Variants in FOXO4 observed in about 807,000 individuals in gnomAD.
The protein encoded by FOXO4 is forkhead box protein O4.
Under a neutral mutation model 20.8 loss-of-function variants are expected in FOXO4, and 3 were observed. The observed-to-expected ratio is 0.14, with a 90% CI of 0.07 to 0.37. The LOEUF (loss-of-function observed/expected upper bound fraction) is 0.37, where lower values mean the gene tolerates loss of function less well. Ranked by LOEUF, FOXO4 falls within the 10% of genes least tolerant of loss-of-function variation. FOXO4 has a pLI of 1.00. For missense variants in FOXO4, 309 were observed against 431.9 expected, an observed-to-expected ratio of 0.72 and a Z score of 2.52; for synonymous variants, 158 against 180.0, an observed-to-expected ratio of 0.88 and a Z score of 0.98.
Position 71,100,985 on chromosome X carries a change from T to C in FOXO4, c.755T>C (p.Met252Thr). ...TCTCGAAACCGTGAAGAAGCCGATATGTGGACCACCTTCCGTCCACGAAGC... is the reference window on the plus strand; with the variant it reads ...TCTCGAAACCGTGAAGAAGCCGATACGTGGACCACCTTCCGTCCACGAAGC... Reference protein sequence around the residue: ...PCSRNREEADMWTTFRPRSSS... With the variant: ...PCSRNREEADTWTTFRPRSSS... Residue 252 changes from methionine to threonine, a missense_variant, in exon 2 of 3, where the codon ATG becomes ACG. Met to Thr is a moderately conservative substitution (Grantham distance 81, BLOSUM62 -1). Transcript: ENST00000374259. 8.3e-7 allele frequency: 1 copy of C among 1,211,534 alleles called. No individual in the cohort carries two copies. Among genetic ancestry groups the C allele is most frequent in the East Asian group, 3.0e-5 (1 of 33,845 alleles).
chrX:71,102,414 G>T lies in FOXO4; in HGVS notation c.*330G>T. On this transcript the variant is annotated 3_prime_UTR_variant, in exon 3 of 3. Transcript: ENST00000374259. Reference sequence around the variant, plus strand: ...AGATGAGCAATGCTGTTGGAAATGTGAAGTCACCAGTGGCCTTACCCCTGC... The same window carrying T: ...AGATGAGCAATGCTGTTGGAAATGTTAAGTCACCAGTGGCCTTACCCCTGC... 1 of 326,075 alleles carries T rather than the reference G, an allele frequency of 3.1e-6. No individual in the cohort carries two copies. The highest frequency in any genetic ancestry group is 5.4e-6 in the Non-Finnish European group (1 of 186,283). 26.9% of individuals were successfully genotyped at this position (326,075 alleles called of 1,213,427 possible). A position where few individuals can be genotyped will look rare whatever the true frequency, so the allele number is the denominator to read the frequency against.
chrX:71,096,577 G>C lies in FOXO4; in HGVS notation c.49G>C (p.Asp17His), dbSNP rs1203538814. 7.4e-6 allele frequency: 9 copies of C among 1,210,377 alleles called. No individual in the cohort carries two copies. Among genetic ancestry groups the C allele is most frequent in the Non-Finnish European group, 8.9e-6 (8 of 894,737 alleles). ...NSATEAAAII[D>H]LDPDFEPQSR... is the part of the protein sequence containing the mutation. ...AGCCACAGAGGCTGCCGCGATCATA[G>C]ACCTAGATCCCGACTTCGAACCCCA... Residue 17 changes from aspartate to histidine, a missense_variant, in exon 1 of 3, where the codon GAC (aspartate) becomes CAC (histidine). Physicochemically the swap from Asp to His is moderately conservative, Grantham distance 81. Coordinates refer to ENST00000374259, the MANE Select transcript of FOXO4 (RefSeq NM_005938.4).
chrX:71,102,760 A>G lies in FOXO4; in HGVS notation c.*676A>G. Reference sequence around the variant, plus strand: ...TTTCTGAAGGCTTTGTGATAGTGACATGATACAAACACTACAGACAATAAA... The same window carrying G: ...TTTCTGAAGGCTTTGTGATAGTGACGTGATACAAACACTACAGACAATAAA... On this transcript the variant is annotated 3_prime_UTR_variant, in exon 3 of 3. Transcript: ENST00000374259. The G allele has an allele frequency of 5.7e-6, 1 of 174,077 alleles. No individual in the cohort carries two copies. 14.3% of individuals were successfully genotyped at this position (174,077 alleles called of 1,213,427 possible). A position where few individuals can be genotyped will look rare whatever the true frequency, so the allele number is the denominator to read the frequency against.
chrX:71,099,562 C>T (rs1198434870), intron 1 of FOXO4: 1 of 111,829 alleles, frequency 8.9e-6, no homozygotes, highest in Non-Finnish European at 1.9e-5. Context: ...GAGGACATTA[C>T]ACTTGGCACT....
rs559205115 is a variant in FOXO4, at chrX:71,103,286, G to T, written c.*1202G>T. On this transcript the variant is annotated 3_prime_UTR_variant, in exon 3 of 3. Transcript: ENST00000374259. ...GGGTCTGGGAAATGAGCAGGGATGGGGGGGGATGTGGATCAGGTTTACTAG... is the reference window on the plus strand; with the variant it reads ...GGGTCTGGGAAATGAGCAGGGATGGTGGGGGATGTGGATCAGGTTTACTAG... 28 of 165,839 alleles carry T rather than the reference G, an allele frequency of 1.7e-4. No individual in the cohort carries two copies. The South Asian group carries it at 8.9e-3, about 52-fold the overall frequency. The allele number at this position is 165,839 out of a possible 1,213,427, so 13.7% of individuals were successfully genotyped here.
At chrX:71,097,924 A>C (rs1170714230) in intron 1 of FOXO4, among the ~76,000 whole-genome samples, 6 of 111,481 alleles carry the variant, frequency 5.4e-5, no homozygotes, top group Non-Finnish European at 1.1e-4. Flanking sequence ...CCCTAGGTAT[A>C]GGAGACTGAG....
At chrX:71,102,041 G>GCC (rs1399466630) in intron 2 of FOXO4, 36 bp from the exon 3 acceptor site, 5 of 1,205,212 alleles carry the variant, frequency 4.1e-6, no homozygotes, top group Non-Finnish European at 5.6e-6. Context: ...CCCCAGGTAA[G>GCC]CCTCTTACCT....
rs1279202272 is a variant in FOXO4 at position 71,101,216 on chromosome X, T to C, written c.986T>C (p.Leu329Ser). 6 of 1,209,406 alleles carry C rather than the reference T, an allele frequency of 5.0e-6. No homozygotes were observed. The highest frequency in any genetic ancestry group is 3.4e-6 in the Non-Finnish European group (3 of 894,997). The change falls in exon 2 of 3, where the codon TTG becomes TCG. Residue 329 changes from leucine to serine, a missense_variant. Coordinates refer to ENST00000374259, the MANE Select transcript of FOXO4 (RefSeq NM_005938.4). ...LSRSGLSGFS[L>S]QHPGVTGPLH... ...CGGAGTGGTCTCTCTGGCTTCTCTT[T>C]GCAGCATCCTGGGGTTACCGGCCCC...
At chrX:71,100,108 C>T (rs1401391372) in intron 1 of FOXO4, among the ~76,000 whole-genome samples, 1 of 111,754 alleles carries the variant, frequency 8.9e-6, no homozygotes, top group Admixed American at 9.5e-5. Context: ...TGCTCTTTCC[C>T]ACCTGAACCT....
In FOXO4 at chrX:71,096,519, A is replaced by G. The variant is rs2092218402; in HGVS notation, c.-10A>G. 3 of 1,197,168 alleles carry G rather than the reference A, an allele frequency of 2.5e-6. No homozygotes were observed. The highest frequency in any genetic ancestry group is 2.3e-4 in the Middle Eastern group (1 of 4,324). On this transcript the variant is annotated 5_prime_UTR_variant, in exon 1 of 3. Coordinates refer to ENST00000374259, the MANE Select transcript of FOXO4 (RefSeq NM_005938.4). ...ACTGAACGCTGAGCCGGGGAGGTCCAACTCCACGTATGGATCCGGGGAATG... is the reference window on the plus strand; with the variant it reads ...ACTGAACGCTGAGCCGGGGAGGTCCGACTCCACGTATGGATCCGGGGAATG...
At position 71,102,892 on chromosome X, in the gene FOXO4, A is replaced by ATTT. The variant is rs894637123; in HGVS notation, c.*808_*809insTTT. 2 of 170,577 alleles carry ATTT rather than the reference A, an allele frequency of 1.2e-5. No homozygotes were observed. The highest frequency in any genetic ancestry group is 6.0e-5 in the African/African-American group (2 of 33,312). 14.1% of individuals were successfully genotyped at this position (170,577 alleles called of 1,213,427 possible). On this transcript the variant is annotated 3_prime_UTR_variant, in exon 3 of 3. Coordinates refer to ENST00000374259, the MANE Select transcript of FOXO4 (RefSeq NM_005938.4). ...AGAAAGGTCTATGCAGAAATAGGTTAGAGTTTCCCTAACAAAAAAGCTAAC... is the reference window on the plus strand; with the variant it reads ...AGAAAGGTCTATGCAGAAATAGGTTATTTGAGTTTCCCTAACAAAAAAGCTAAC...
intron 1 of FOXO4, among the ~76,000 whole-genome samples, chrX:71,100,426 G>A (rs2092227819): frequency 1.0e-5 from 1 of 99,313 alleles, no homozygotes; most frequent in Non-Finnish European, 2.0e-5. Context: ...CTTTCTTTGA[G>A]TCTCCAGGAA....
Position 71,096,673 on chromosome X carries a change from G to C in FOXO4, c.145G>C (p.Glu49Gln). 8.3e-7 allele frequency: 1 copy of C among 1,210,791 alleles called. No homozygotes were observed. Among genetic ancestry groups the C allele is most frequent in the Non-Finnish European group, 1.1e-6 (1 of 894,993 alleles). ...CGCTAACCAGCCGTCCGAGCCGCCC[G>C]AGGTGGAGCCAGATCTGGGGGAAAA... ...EIANQPSEPP[E>Q]VEPDLGEKVH... Residue 49 changes from glutamate to glutamine, a missense_variant, in exon 1 of 3, where the codon GAG (glutamate) becomes CAG (glutamine). Glu to Gln is a conservative substitution (Grantham distance 29). Coordinates refer to ENST00000374259, the MANE Select transcript of FOXO4 (RefSeq NM_005938.4).
In FOXO4 at chrX:71,096,882, G is replaced by A. The variant is rs1166032680; in HGVS notation, c.354G>A (p.Pro118=). 3.7e-5 allele frequency: 45 copies of A among 1,207,295 alleles called. No homozygotes were observed. The highest frequency in any genetic ancestry group is 4.9e-5 in the Non-Finnish European group (44 of 893,747). ...ELISQAIESA[P]EKRLTLAQIY... is the part of the protein sequence containing the mutation. ...TCAGCCAGGCCATTGAAAGCGCCCCGGAGAAGCGACTGACACTTGCCCAGA... is the reference window on the plus strand; with the variant it reads ...TCAGCCAGGCCATTGAAAGCGCCCCAGAGAAGCGACTGACACTTGCCCAGA... Residue 118 remains proline, a synonymous_variant, in exon 1 of 3, where the codon CCG becomes CCA. Coordinates refer to ENST00000374259, the MANE Select transcript of FOXO4 (RefSeq NM_005938.4).
At chrX:71,097,025 CT>C in intron 1 of FOXO4, 44 bp downstream of exon 1, 4 of 1,086,995 alleles carry the variant, frequency 3.7e-6, no homozygotes, top group Non-Finnish European at 5.0e-6. Flanking sequence ...CATCTACCCC[CT>C]GGACCCCCTA....
intron 1 of FOXO4, among the ~76,000 whole-genome samples, chrX:71,098,518 G>A (rs1172882265): frequency 1.8e-5 from 2 of 111,985 alleles, no homozygotes; most frequent in African/African-American, 6.5e-5. Flanking sequence ...CCAGGGGGCG[G>A]CACTCACTTA....
At chrX:71,100,440 C>G (rs1434519003) in intron 1 of FOXO4, among the ~76,000 whole-genome samples, 2 of 106,546 alleles carry the variant, frequency 1.9e-5, no homozygotes, top group African/African-American at 6.9e-5. Context: ...CCAGGAATAC[C>G]CCTGCTGTGT....
Position 71,096,607 on chromosome X carries a change from C to T in FOXO4, c.79C>T (p.Arg27Cys). The T allele has an allele frequency of 8.3e-7, 1 of 1,210,359 alleles. No homozygotes were observed. The highest frequency in any genetic ancestry group is 1.1e-6 in the Non-Finnish European group (1 of 894,651). Residue 27 changes from arginine (R) to cysteine (C), a missense_variant, in exon 1 of 3, where the codon CGT becomes TGT. Physicochemically the swap from Arg to Cys is radical, Grantham distance 180 (BLOSUM62 -3). Transcript: ENST00000374259. ...AGATCCCGACTTCGAACCCCAGAGC[C>T]GTCCCCGCTCCTGCACCTGGCCCCT... ...DLDPDFEPQS[R>C]PRSCTWPLPR...
chrX:71,101,945 G>A, intron 2 of FOXO4, 132 bp from the exon 3 acceptor site: 2 of 799,687 alleles, frequency 2.5e-6, no homozygotes, highest in Non-Finnish European at 3.7e-6. Flanking sequence ...GCCCTGCAAG[G>A]TAGCACAGAA....
Sources: allele counts gnomAD v4.1 joint callset (sites outside exome capture counted in the v4.1 genomes callset), GRCh38; gene constraint gnomAD v4.1.1; transcripts MANE v1.5; gene names NCBI Gene and HGNC (gene_info 2026-07-23, HGNC 2026-07-21).